The following MCM9 variants were observed in gnomAD, a reference collection of about 807,000 sequenced individuals.
The protein encoded by MCM9 is DNA helicase MCM9.
A neutral mutation model predicts 72.8 loss-of-function variants in MCM9; 55 were observed. The observed-to-expected ratio is 0.76, with a 90% CI of 0.61 to 0.95. MCM9 has a LOEUF of 0.95. MCM9 is among the 40% of genes least tolerant of loss of function. The pLI is 0.00. For synonymous variants in MCM9, 480 were observed against 503.4 expected (o/e 0.95, Z 0.62); for missense variants, 1,279 against 1,377.0 (o/e 0.93, Z 1.13).
chr6:118,881,836 A>G (rs948527615), intron 8 of MCM9, among the ~76,000 whole-genome samples: 1 of 152,220 alleles, frequency 6.6e-6, no homozygotes, highest in Non-Finnish European at 1.5e-5. Flanking sequence ...GAATAGTGAG[A>G]GTCTAAGACA....
At chr6:118,832,453 T>A (rs527442903) in intron 9 of MCM9, among the ~76,000 whole-genome samples, 2 of 152,362 alleles carry the variant, frequency 1.3e-5, no homozygotes, top group East Asian at 3.9e-4. Flanking sequence ...AAATGCTTAA[T>A]AAATGTACAT....
At chr6:118,893,956 G>GC (rs1779145331) in intron 8 of MCM9, 1 of 948,852 alleles carries the variant, frequency 1.1e-6, no homozygotes, top group African/African-American at 1.8e-5. Context: ...CCGCGGCCAC[G>GC]CCCCCTCCGC....
At chr6:118,843,552 C>T (rs1017141198) in intron 9 of MCM9, among the ~76,000 whole-genome samples, 3 of 148,382 alleles carry the variant, frequency 2.0e-5, no homozygotes, top group South Asian at 4.3e-4. Context: ...TGCTTGAACC[C>T]GGGAGGTGGA....
In MCM9 at chr6:118,924,012, C is replaced by T; in HGVS notation, c.420G>A (p.Glu140=). 6.2e-7 allele frequency: 1 copy of T among 1,614,196 alleles called. No individual in the cohort carries two copies. The highest frequency in any genetic ancestry group is 8.5e-7 in the Non-Finnish European group (1 of 1,180,044). ...VIRTSLVKVL[E]FERDYMCNKC... ...TGTTACACATGTAATCCCGCTCAAA[C>T]TCCAGAACCTTCACCAGACTTGTTC... The change falls in exon 4 of 14, where the codon GAG becomes GAA. Residue 140 remains glutamate (E), a synonymous_variant. Transcript: ENST00000619706.
intron 8 of MCM9, among the ~76,000 whole-genome samples, chr6:118,887,014 G>T (rs1225870965): frequency 1.3e-5 from 2 of 152,066 alleles, no homozygotes; most frequent in South Asian, 2.1e-4. Context: ...GAAATTAAAG[G>T]CGAACTCATG....
chr6:118,924,642 T>C (rs1477606978), intron 3 of MCM9, among the ~76,000 whole-genome samples: 1 of 152,214 alleles, frequency 6.6e-6, no homozygotes, highest in African/African-American at 2.4e-5. Flanking sequence ...TACATAAATA[T>C]GACAGTGTTT....
chr6:118,883,271 T>C lies in MCM9; in HGVS notation c.1151-26726A>G, dbSNP rs146048835. Among the ~76,000 whole-genome samples the C allele has an allele frequency of 6.2e-3, 946 of 151,774 alleles. 5 individuals are homozygous for C. The highest frequency in any genetic ancestry group is 0.012 in the Non-Finnish European group (802 of 67,888). The stretch of plus-strand genomic sequence containing the variant: ...GTCAGCAAACTTTAAGAGAGATCAG[T>C]TGAAATTATGCAATCCAAAGAACAG... On this transcript the variant is annotated intron_variant, in intron 8 of 13. Transcript: ENST00000619706.
chr6:118,820,458 C>A (rs544883036), intron 13 of MCM9, among the ~76,000 whole-genome samples: 3 of 152,150 alleles, frequency 2.0e-5, no homozygotes, highest in African/African-American at 7.2e-5. Flanking sequence ...ATCCTGAGTT[C>A]TAATTTGATT....
intron 13 of MCM9, among the ~76,000 whole-genome samples, chr6:118,820,322 T>C (rs888001411): frequency 3.3e-5 from 5 of 152,222 alleles, no homozygotes; most frequent in African/African-American, 1.2e-4. Flanking sequence ...GTATGTTTTG[T>C]CTTTGTTTTC....
intron 8 of MCM9, chr6:118,894,002 G>A (rs1247585426): frequency 2.0e-6 from 2 of 985,104 alleles, no homozygotes; most frequent in Non-Finnish European, 2.4e-6. Flanking sequence ...CTCCGCGCGG[G>A]CCTCCCAGCC....
chr6:118,887,473 T>C (rs1380906609), intron 8 of MCM9, among the ~76,000 whole-genome samples: 1 of 152,150 alleles, frequency 6.6e-6, no homozygotes, highest in Admixed American at 6.5e-5. Flanking sequence ...CAAAAATTAA[T>C]TCAAACTTGA....
In MCM9 at chr6:118,814,063, ACT is replaced by A. The variant is rs1773264870; in HGVS notation, c.*759_*760del. The stretch of plus-strand genomic sequence containing the variant: ...GAGTGAGTCACTGTGCCTGGCTCAT[ACT>A]CTCTCTTCTTCTAATCACAGTATTT... On this transcript the variant is annotated 3_prime_UTR_variant, in exon 14 of 14. Transcript: ENST00000619706. 1 of 151,900 alleles carries A rather than the reference ACT, an allele frequency of 6.6e-6. No individual in the cohort carries two copies. The highest frequency in any genetic ancestry group is 2.4e-5 in the African/African-American group (1 of 41,366). 9.4% of individuals were successfully genotyped at this position (151,900 alleles called of 1,614,324 possible). A position where few individuals can be genotyped will look rare whatever the true frequency, so the allele number is the denominator to read the frequency against.
At chr6:118,926,984 G>A (rs1367395558) in intron 3 of MCM9, among the ~76,000 whole-genome samples, 1 of 151,930 alleles carries the variant, frequency 6.6e-6, no homozygotes, top group Non-Finnish European at 1.5e-5. Flanking sequence ...TTACTTCTAC[G>A]AAGGAAGGTA....
chr6:118,863,583 C>T (rs757302129), intron 8 of MCM9, among the ~76,000 whole-genome samples: 1 of 152,140 alleles, frequency 6.6e-6, no homozygotes, highest in Non-Finnish European at 1.5e-5. Context: ...AAATCTTAAT[C>T]CCCATCATAA....
rs1375343809 is a variant in MCM9 at position 118,815,348 on chromosome 6, G to A, written c.2908C>T (p.Arg970Cys). The A allele has an allele frequency of 1.3e-5, 20 of 1,549,982 alleles. No homozygotes were observed. Among genetic ancestry groups the A allele is most frequent in the South Asian group, 6.0e-5 (5 of 83,990 alleles). Residue 970 changes from arginine to cysteine, a missense_variant, in exon 14 of 14, where the codon CGT becomes TGT. Transcript: ENST00000619706. ...TRRDAALPVK[R>C]PGKLTSTPGN... ...GGGGTAGATGTTAACTTTCCTGGACGCTTCACCGGCAAGGCTGCGTCTCTT... is the reference window on the plus strand; with the variant it reads ...GGGGTAGATGTTAACTTTCCTGGACACTTCACCGGCAAGGCTGCGTCTCTT...
At chr6:118,887,989 A>G (rs1418478773) in intron 8 of MCM9, among the ~76,000 whole-genome samples, 1 of 152,194 alleles carries the variant, frequency 6.6e-6, no homozygotes, top group Non-Finnish European at 1.5e-5. Context: ...ACAGTTCTCC[A>G]CAGAAGATAT....
chr6:118,829,016 T>A, intron 10 of MCM9, 32 bp downstream of exon 10: 1 of 1,541,378 alleles, frequency 6.5e-7, no homozygotes, highest in Non-Finnish European at 8.8e-7. Flanking sequence ...AATCTCTCTG[T>A]TATTTTGAAT....
chr6:118,882,406 C>G (rs1470875808), intron 8 of MCM9, among the ~76,000 whole-genome samples: 3 of 152,198 alleles, frequency 2.0e-5, no homozygotes, highest in African/African-American at 4.8e-5. Context: ...AGGCTGGTAG[C>G]TCTATTACAG....
At chr6:118,890,878 A>G (rs997383204) in intron 8 of MCM9, among the ~76,000 whole-genome samples, 5 of 152,238 alleles carry the variant, frequency 3.3e-5, no homozygotes, top group African/African-American at 1.2e-4. Context: ...AAATGAGAAG[A>G]CAATTCAACA....
Sources: allele counts gnomAD v4.1 joint callset (sites outside exome capture counted in the v4.1 genomes callset), GRCh38; gene constraint gnomAD v4.1.1; transcripts MANE v1.5; gene names NCBI Gene and HGNC (gene_info 2026-07-23, HGNC 2026-07-21).